The following PARN variants were observed in gnomAD, a reference collection of about 807,000 sequenced individuals.
The protein encoded by PARN is poly(A)-specific ribonuclease.
In PARN, 71 loss-of-function variants were observed where a neutral mutation model predicts 102.8. The ratio of observed to expected loss-of-function variants is 0.69; its 90% CI spans 0.57 to 0.84. The LOEUF (loss-of-function observed/expected upper bound fraction) is 0.84, where lower values mean the gene tolerates loss of function less well. Among genes scored for constraint, PARN ranks in the 40% least tolerant of loss-of-function variants. The pLI, the probability that PARN is intolerant of heterozygous loss-of-function variation, is 0.00. For missense variants in PARN, 782 were observed against 760.9 expected (o/e 1.03, Z -0.33); for synonymous variants, 261 against 252.9 (o/e 1.03, Z -0.30).
chr16:14,602,722 G>T (rs1017525986), intron 11 of PARN, among the ~76,000 whole-genome samples: 1 of 152,220 alleles, frequency 6.6e-6, no homozygotes, highest in Middle Eastern at 3.4e-3. Context: ...TATGAGGCCA[G>T]CTCCCACCCC....
rs567242330 is a variant in PARN at position 14,629,799 on chromosome 16, C to G, written c.20-125G>C. 19 of 768,140 alleles carry G rather than the reference C, an allele frequency of 2.5e-5. No homozygotes were observed. The South Asian group carries it at 2.9e-4, about 12-fold the overall frequency. 47.6% of individuals were successfully genotyped at this position (768,140 alleles called of 1,614,324 possible). Reference sequence around the variant, plus strand: ...AGGGGAAAAGTCCCGGAGGTGTGCACCGGGGCGAGGGGAATCAAGTCCTCG... The same window carrying G: ...AGGGGAAAAGTCCCGGAGGTGTGCAGCGGGGCGAGGGGAATCAAGTCCTCG... On this transcript the variant is annotated intron_variant, in intron 1 of 23. Coordinates refer to ENST00000437198, the MANE Select transcript of PARN (RefSeq NM_002582.4).
At chr16:14,441,208 T>C (rs1276225960) in intron 23 of PARN, among the ~76,000 whole-genome samples, 1 of 152,164 alleles carries the variant, frequency 6.6e-6, no homozygotes, top group Non-Finnish European at 1.5e-5. Flanking sequence ...TACCACAGCA[T>C]CAAGTTGGGG....
At chr16:14,473,126 A>T (rs2151586329) in intron 22 of PARN, among the ~76,000 whole-genome samples, 1 of 152,346 alleles carries the variant, frequency 6.6e-6, no homozygotes, top group East Asian at 1.9e-4. Flanking sequence ...AAAGTTGGTA[A>T]GTCAAGAAAT....
At chr16:14,611,238 C>G (rs1353868394) in intron 6 of PARN, among the ~76,000 whole-genome samples, 1 of 152,122 alleles carries the variant, frequency 6.6e-6, no homozygotes, top group African/African-American at 2.4e-5. Flanking sequence ...ATGGCTTGGA[C>G]GGTTCCAGGA....
At chr16:14,596,155 T>A (rs74337714) in intron 12 of PARN, among the ~76,000 whole-genome samples, 2,102 of 152,200 alleles carry the variant, frequency 0.014, 37 homozygotes, top group East Asian at 0.059. Context: ...CTAAACATCA[T>A]TCCCCATTAA....
chr16:14,621,509 T>G (rs1344658876), intron 5 of PARN, among the ~76,000 whole-genome samples: 1 of 152,122 alleles, frequency 6.6e-6, no homozygotes, highest in Non-Finnish European at 1.5e-5. Context: ...TTACCACAAT[T>G]TTTAAGAAAA....
At chr16:14,550,688 G>A (rs1020781104) in intron 21 of PARN, among the ~76,000 whole-genome samples, 6 of 152,146 alleles carry the variant, frequency 3.9e-5, no homozygotes, top group African/African-American at 1.4e-4. Context: ...TTACTCACCA[G>A]TTCTACTATC....
intron 7 of PARN, 64 bp from the exon 8 acceptor site, chr16:14,609,187 A>C: frequency 1.3e-6 from 1 of 759,926 alleles, no homozygotes; most frequent in Non-Finnish European, 2.2e-6. Flanking sequence ...CAACCAAGAA[A>C]ATAATCACAA....
chr16:14,479,189 T>G (rs769942307), intron 22 of PARN, among the ~76,000 whole-genome samples: 4 of 151,952 alleles, frequency 2.6e-5, no homozygotes, highest in African/African-American at 4.8e-5. Context: ...GAGGCCAAGG[T>G]AGGAGGTTGA....
intron 22 of PARN, among the ~76,000 whole-genome samples, chr16:14,474,133 T>C (rs762482258): frequency 2.6e-5 from 4 of 152,210 alleles, no homozygotes; most frequent in South Asian, 2.1e-4. Context: ...TCTGGGACTA[T>C]AGGCATGGGC....
intron 22 of PARN, among the ~76,000 whole-genome samples, chr16:14,467,395 T>C (rs1962425048): frequency 6.6e-6 from 1 of 152,168 alleles, no homozygotes; most frequent in Non-Finnish European, 1.5e-5. Context: ...TTGATTTAGT[T>C]TGTGAAGACT....
At chr16:14,519,213 T>C (rs899671709) in intron 21 of PARN, among the ~76,000 whole-genome samples, 7 of 149,504 alleles carry the variant, frequency 4.7e-5, no homozygotes, top group African/African-American at 1.2e-4. Flanking sequence ...ATCAGAAATA[T>C]CAGTTTGAAC....
intron 6 of PARN, among the ~76,000 whole-genome samples, chr16:14,611,544 T>A (rs1971520916): frequency 6.6e-6 from 1 of 152,040 alleles, no homozygotes; most frequent in Admixed American, 6.6e-5. Context: ...AACTTTTTCT[T>A]TGTTTTGTTT....
chr16:14,581,177 C>T (rs1013645621), intron 17 of PARN, among the ~76,000 whole-genome samples: 2 of 152,064 alleles, frequency 1.3e-5, no homozygotes, highest in African/African-American at 4.8e-5. Flanking sequence ...CTCAGCCTCC[C>T]GAGGACCAGG....
At chr16:14,445,212 C>A (rs1354979351) in intron 23 of PARN, among the ~76,000 whole-genome samples, 1 of 151,972 alleles carries the variant, frequency 6.6e-6, no homozygotes, top group Non-Finnish European at 1.5e-5. Context: ...ACATCCAATC[C>A]AGGCTTCAAA....
At chr16:14,580,155 A>G (rs1176561041) in intron 18 of PARN, among the ~76,000 whole-genome samples, 2 of 152,154 alleles carry the variant, frequency 1.3e-5, no homozygotes, top group African/African-American at 4.8e-5. Flanking sequence ...TATTTTTAGT[A>G]GAGATGGGGT....
chr16:14,558,192 C>G (rs942544833), intron 18 of PARN, among the ~76,000 whole-genome samples: 1 of 152,112 alleles, frequency 6.6e-6, no homozygotes, highest in Admixed American at 6.5e-5. Flanking sequence ...CAGCACTTTA[C>G]GAGACCAAGG....
chr16:14,575,686 TA>T (rs1445916373), intron 18 of PARN, among the ~76,000 whole-genome samples: 4 of 152,192 alleles, frequency 2.6e-5, no homozygotes, highest in Admixed American at 6.5e-5. Context: ...TGTGGACTTT[TA>T]AGTTAATGCT....
At chr16:14,619,876 C>A (rs1004554016) in intron 5 of PARN, among the ~76,000 whole-genome samples, 1 of 151,260 alleles carries the variant, frequency 6.6e-6, no homozygotes, top group East Asian at 1.9e-4. Context: ...TCGAGACCCG[C>A]CTGACCAACA....
Sources: allele counts gnomAD v4.1 joint callset (sites outside exome capture counted in the v4.1 genomes callset), GRCh38; gene constraint gnomAD v4.1.1; transcripts MANE v1.5; gene names NCBI Gene and HGNC (gene_info 2026-07-23, HGNC 2026-07-21).